Variants in MEGF11 observed in about 807,000 individuals in gnomAD.
MEGF11 encodes multiple epidermal growth factor-like domains protein 11.
MEGF11 carries 126 observed loss-of-function variants against 146.6 expected under a neutral mutation model. The ratio of observed to expected loss-of-function variants is 0.86; its 90% confidence interval spans 0.74 to 1.00. MEGF11 has a LOEUF of 1.00. Ranked by LOEUF, MEGF11 falls within the 50% of genes least tolerant of loss-of-function variation. MEGF11 has a pLI of 0.00. For synonymous variants in MEGF11, 532 were observed against 583.4 expected (o/e 0.91, Z 1.27); for missense variants, 1,509 against 1,521.2 (o/e 0.99, Z 0.13).
intron 1 of MEGF11, among the ~76,000 whole-genome samples, chr15:66,140,668 C>T (rs1361178991): frequency 6.6e-6 from 1 of 152,132 alleles, no homozygotes; most frequent in East Asian, 1.9e-4. Flanking sequence ...CTTGCTAAGC[C>T]ATGGGAGGCC....
intron 5 of MEGF11, among the ~76,000 whole-genome samples, chr15:66,004,722 A>G (rs992124220): frequency 1.3e-5 from 2 of 152,066 alleles, no homozygotes; most frequent in Admixed American, 1.3e-4. Flanking sequence ...TAGGCACTCA[A>G]TATTGTGGGA....
At chr15:66,071,595 G>A (rs543059426) in intron 5 of MEGF11, among the ~76,000 whole-genome samples, 29 of 152,332 alleles carry the variant, frequency 1.9e-4, no homozygotes, top group Non-Finnish European at 2.9e-4. Flanking sequence ...CAGCTGCATC[G>A]GGGATCTGTC....
chr15:65,952,411 C>T (rs150707386), intron 10 of MEGF11, among the ~76,000 whole-genome samples: 184 of 152,286 alleles, frequency 1.2e-3, no homozygotes, highest in African/African-American at 4.3e-3. Flanking sequence ...ATCCACAATT[C>T]AGCTAATTCC....
intron 1 of MEGF11, among the ~76,000 whole-genome samples, chr15:66,147,478 C>T (rs1406321849): frequency 6.6e-6 from 1 of 152,212 alleles, no homozygotes; most frequent in African/African-American, 2.4e-5. Flanking sequence ...TTGGTCTCCT[C>T]CCTTTGGAGA....
chr15:66,080,263 C>T (rs917780314), intron 5 of MEGF11, among the ~76,000 whole-genome samples: 7 of 152,342 alleles, frequency 4.6e-5, no homozygotes, highest in African/African-American at 1.7e-4. Flanking sequence ...CCCATGACCT[C>T]GTGGAAAGCC....
chr15:65,973,001 C>T, intron 7 of MEGF11, among the ~76,000 whole-genome samples: 2 of 151,970 alleles, frequency 1.3e-5, no homozygotes, highest in Non-Finnish European at 1.5e-5. Context: ...CCTGTAATCC[C>T]AGCTACTGGG....
intron 7 of MEGF11, among the ~76,000 whole-genome samples, chr15:65,973,644 A>G (rs1039750327): frequency 6.6e-6 from 1 of 152,162 alleles, no homozygotes; most frequent in African/African-American, 2.4e-5. Flanking sequence ...AAACTTTTTT[A>G]AATGATTTAA....
At chr15:66,172,758 C>T (rs1426618843) in intron 1 of MEGF11, among the ~76,000 whole-genome samples, 1 of 152,228 alleles carries the variant, frequency 6.6e-6, no homozygotes, top group Non-Finnish European at 1.5e-5. Context: ...CTGTCTCCTA[C>T]TGGAACCCTA....
At chr15:65,960,381 A>T (rs1371844714) in intron 9 of MEGF11, among the ~76,000 whole-genome samples, 1 of 152,244 alleles carries the variant, frequency 6.6e-6, no homozygotes, top group Non-Finnish European at 1.5e-5. Context: ...GTTTGAGAAA[A>T]ATTCCTCTCT....
chr15:65,929,909 C>T (rs1033328871), intron 11 of MEGF11, 26 bp from the exon 12 acceptor site: 13 of 1,581,118 alleles, frequency 8.2e-6, no homozygotes, highest in Non-Finnish European at 1.1e-5. Flanking sequence ...GGGACTGTCA[C>T]TTCTCCATCC....
intron 1 of MEGF11, among the ~76,000 whole-genome samples, chr15:66,208,152 A>T (rs1217594014): frequency 6.6e-6 from 1 of 152,122 alleles, no homozygotes; most frequent in Non-Finnish European, 1.5e-5. Flanking sequence ...TTTGTATACT[A>T]TTGAAGTTAA....
At chr15:66,200,802 T>C (rs2091138468) in intron 1 of MEGF11, among the ~76,000 whole-genome samples, 1 of 152,102 alleles carries the variant, frequency 6.6e-6, no homozygotes, top group African/African-American at 2.4e-5. Flanking sequence ...ATGAGCAAGC[T>C]CACTCTGAGG....
intron 1 of MEGF11, among the ~76,000 whole-genome samples, chr15:66,234,134 A>G (rs1319954512): frequency 6.6e-6 from 1 of 151,878 alleles, no homozygotes; most frequent in Non-Finnish European, 1.5e-5. Context: ...CCTGACCTCA[A>G]GTGATCCATC....
At chr15:65,992,067 G>A (rs1396193440) in intron 5 of MEGF11, among the ~76,000 whole-genome samples, 1 of 152,252 alleles carries the variant, frequency 6.6e-6, no homozygotes, top group Non-Finnish European at 1.5e-5. Context: ...AGGCCCGGGA[G>A]CGGGCAGTGT....
chr15:65,976,098 A>G (rs1555457912), intron 7 of MEGF11, among the ~76,000 whole-genome samples: 1 of 142,718 alleles, frequency 7.0e-6, no homozygotes, highest in South Asian at 2.2e-4. Flanking sequence ...GCTGGAGTGC[A>G]ATGATGTGAT....
At chr15:65,972,175 G>C (rs2081318165) in intron 7 of MEGF11, among the ~76,000 whole-genome samples, 1 of 152,142 alleles carries the variant, frequency 6.6e-6, no homozygotes, top group African/African-American at 2.4e-5. Flanking sequence ...GACCAATTCA[G>C]GTGGTCTGAC....
chr15:66,069,803 TAATA>T (rs1183217941), intron 5 of MEGF11, among the ~76,000 whole-genome samples: 1 of 152,260 alleles, frequency 6.6e-6, no homozygotes, highest in African/African-American at 2.4e-5. Context: ...AAGGGCCAGA[TAATA>T]AATATTTTCT....
At chr15:65,898,196 A>G in intron 25 of MEGF11, 102 bp from the exon 26 acceptor site, 1 of 1,471,026 alleles carries the variant, frequency 6.8e-7, no homozygotes, top group African/African-American at 1.4e-5. Flanking sequence ...GGAGCCAGGG[A>G]TTTATAAATC....
chr15:65,984,270 A>T (rs11639128), intron 5 of MEGF11, among the ~76,000 whole-genome samples: 1 of 151,968 alleles, frequency 6.6e-6, no homozygotes, highest in African/African-American at 2.4e-5. Context: ...TCATACCTGT[A>T]ATCCTAGCAC....
Sources: allele counts gnomAD v4.1 joint callset (sites outside exome capture counted in the v4.1 genomes callset), GRCh38; gene constraint gnomAD v4.1.1; transcripts MANE v1.5; gene names NCBI Gene and HGNC (gene_info 2026-07-23, HGNC 2026-07-21).